The following SPHKAP variants were observed in gnomAD, a reference collection of about 807,000 sequenced individuals.
SPHKAP encodes the protein SPHK1 interactor, AKAP domain containing.
Under a neutral mutation model 137.5 loss-of-function variants are expected in SPHKAP, and 67 were observed. The observed-to-expected ratio is 0.49, with a 90% confidence interval of 0.40 to 0.60. The LOEUF (loss-of-function observed/expected upper bound fraction) is 0.60. Ranked by LOEUF, SPHKAP falls within the 20% of genes least tolerant of loss-of-function variation. The pLI, the probability that SPHKAP is intolerant of heterozygous loss-of-function variation, is 0.00. For synonymous variants in SPHKAP, 813 were observed against 785.3 expected, an observed-to-expected ratio of 1.04 and a Z score of -0.59; for missense variants, 2,097 against 2,069.3, an observed-to-expected ratio of 1.01 and a Z score of -0.26.
At chr2:228,038,565 G>A (rs962697639) in intron 3 of SPHKAP, among the ~76,000 whole-genome samples, 2 of 152,192 alleles carry the variant, frequency 1.3e-5, no homozygotes, top group Non-Finnish European at 2.9e-5. Flanking sequence ...TAAAATGCCT[G>A]CATGAGCAAA....
rs1422263232 is a variant in SPHKAP at position 228,117,556 on chromosome 2, A to T, written c.139-8617T>A. ...AGAAGAGATGATTGGAATGAAGGCAAGTACTAAGACACTTTGACCTATTTG... is the reference window on the plus strand; with the variant it reads ...AGAAGAGATGATTGGAATGAAGGCATGTACTAAGACACTTTGACCTATTTG... On this transcript the variant is annotated intron_variant, in intron 2 of 11. Coordinates refer to ENST00000392056, the MANE Select transcript of SPHKAP (RefSeq NM_001142644.2). 2.6e-5 allele frequency among the ~76,000 whole-genome samples: 4 copies of T among 152,178 alleles called. No homozygotes were observed. The East Asian group carries it at 5.8e-4, about 22-fold the overall frequency.
intron 3 of SPHKAP, among the ~76,000 whole-genome samples, chr2:228,086,151 G>T (rs944341046): frequency 2.0e-5 from 3 of 151,098 alleles, no homozygotes; most frequent in African/African-American, 7.3e-5. Flanking sequence ...GCTTCCCAGT[G>T]AAACAACAAA....
chr2:228,028,935 T>A (rs527435991), intron 3 of SPHKAP, among the ~76,000 whole-genome samples: 6 of 137,646 alleles, frequency 4.4e-5, no homozygotes, highest in African/African-American at 1.4e-4. Context: ...AGGTTAGCTA[T>A]GTTTTTGAAA....
rs538022542 is a variant in SPHKAP at position 228,181,083 on chromosome 2, G to T, written c.32+484C>A. Among the ~76,000 whole-genome samples, 172 of 152,150 alleles carry T rather than the reference G, an allele frequency of 1.1e-3. 1 individual carries two copies. Among genetic ancestry groups the T allele is most frequent in the African/African-American group, 3.8e-3 (156 of 41,532 alleles). On this transcript the variant is annotated intron_variant, in intron 1 of 11. Coordinates refer to ENST00000392056, the MANE Select transcript of SPHKAP (RefSeq NM_001142644.2). The surrounding 1 kb of genome is among the most constrained non-coding windows in gnomAD (Gnocchi z 4.3). ...TTTGGGGGCAGTCTAGGTGTCGGTC[G>T]GGGGTGAGGGACAATCTTCCCCACC...
At chr2:228,123,529 G>C (rs1574870210) in intron 2 of SPHKAP, among the ~76,000 whole-genome samples, 2 of 152,148 alleles carry the variant, frequency 1.3e-5, no homozygotes, top group Admixed American at 6.5e-5. Context: ...GAGAGAAACA[G>C]CTTCTACAAA....
At chr2:228,063,761 A>C (rs1473841583) in intron 3 of SPHKAP, among the ~76,000 whole-genome samples, 1 of 152,220 alleles carries the variant, frequency 6.6e-6, no homozygotes, top group Non-Finnish European at 1.5e-5. Flanking sequence ...CTGTGGTTGC[A>C]AAGATTACAT....
At chr2:228,058,032 G>T (rs1226087506) in intron 3 of SPHKAP, among the ~76,000 whole-genome samples, 3 of 152,046 alleles carry the variant, frequency 2.0e-5, no homozygotes. Context: ...ATTAATAATT[G>T]GTCTTATTTA....
rs184219623 is a variant in SPHKAP at position 228,091,674 on chromosome 2, G to A, written c.246+17158C>T. 3.9e-4 allele frequency among the ~76,000 whole-genome samples: 59 copies of A among 152,076 alleles called. 1 individual carries two copies. Among genetic ancestry groups the A allele is most frequent in the African/African-American group, 1.4e-3 (57 of 41,504 alleles). ...CAAGAAACATTTTTAAAAAATGCTC[G>A]ACATCACTAAGGATCAGGGAAATGC... On this transcript the variant is annotated intron_variant, in intron 3 of 11. Coordinates refer to ENST00000392056, the MANE Select transcript of SPHKAP (RefSeq NM_001142644.2).
At chr2:228,080,816 C>A (rs554121462) in intron 3 of SPHKAP, among the ~76,000 whole-genome samples, 5 of 151,622 alleles carry the variant, frequency 3.3e-5, no homozygotes, top group Admixed American at 2.0e-4. Flanking sequence ...CATCTCACAC[C>A]TGTTAGAATG....
chr2:228,043,677 A>G (rs982438992), intron 3 of SPHKAP, among the ~76,000 whole-genome samples: 2 of 152,174 alleles, frequency 1.3e-5, no homozygotes, highest in African/African-American at 4.8e-5. Flanking sequence ...AATTGACAAA[A>G]ATCTTCCTCA....
intron 3 of SPHKAP, among the ~76,000 whole-genome samples, chr2:228,060,497 G>A (rs1304254249): frequency 6.6e-6 from 1 of 152,132 alleles, no homozygotes; most frequent in Non-Finnish European, 1.5e-5. Flanking sequence ...CAATTTTGAT[G>A]AGTGAAAGAA....
Position 228,019,273 on chromosome 2 carries a change from G to A in SPHKAP, c.1581C>T (p.Asn527=). ...ERLKMEQVVS[N]FPPGSSGALQ... is the part of the protein sequence containing the mutation. ...GTGCACCACTGCTCCCTGGGGGAAA[G>A]TTCGAGACCACTTGCTCCATTTTGA... Residue 527 remains asparagine, a synonymous_variant, in exon 7 of 12, where the codon AAC becomes AAT. Transcript: ENST00000392056. The A allele has an allele frequency of 6.2e-7, 1 of 1,614,034 alleles. No individual in the cohort carries two copies. Among genetic ancestry groups the A allele is most frequent in the South Asian group, 1.1e-5 (1 of 91,086 alleles).
At position 228,018,185 on chromosome 2, in the gene SPHKAP, G is replaced by T. The variant is rs1173531318; in HGVS notation, c.2669C>A (p.Ala890Asp). Residue 890 changes from alanine to aspartate, a missense_variant, in exon 7 of 12, where the codon GCC becomes GAC. By Grantham distance (126) the Ala-to-Asp change is moderately radical. Transcript: ENST00000392056. ...TTGAACTTCGTTGATGCGAGATGTG[G>T]CACAGTTGTACTTTTCTTGGGTGTT... ...HPNTQEKYNC[A>D]TSRINEVQVN... 1 of 1,614,134 alleles carries T rather than the reference G, an allele frequency of 6.2e-7. No homozygotes were observed. The highest frequency in any genetic ancestry group is 2.2e-5 in the East Asian group (1 of 44,856).
intron 3 of SPHKAP, among the ~76,000 whole-genome samples, chr2:228,032,027 A>G (rs1031180155): frequency 6.6e-6 from 1 of 152,244 alleles, no homozygotes; most frequent in Admixed American, 6.5e-5. Flanking sequence ...ACAAAGCTGG[A>G]CGGAGAATGA....
chr2:228,057,424 G>A lies in SPHKAP; in HGVS notation c.247-29881C>T, dbSNP rs145482208. ...TCAAAACTTATGCAGTGTTTTATTCGTCACTTGGGAAAATATCTGAATGCC... is the reference window on the plus strand; with the variant it reads ...TCAAAACTTATGCAGTGTTTTATTCATCACTTGGGAAAATATCTGAATGCC... On this transcript the variant is annotated intron_variant, in intron 3 of 11. Transcript: ENST00000392056. Among the ~76,000 whole-genome samples the A allele has an allele frequency of 1.8e-3, 269 of 152,174 alleles. 1 individual carries two copies. The highest frequency in any genetic ancestry group is 5.9e-3 in the African/African-American group (247 of 41,520).
chr2:227,990,129 A>G (rs1353070447), intron 11 of SPHKAP, among the ~76,000 whole-genome samples: 1 of 152,184 alleles, frequency 6.6e-6, no homozygotes, highest in Non-Finnish European at 1.5e-5. Flanking sequence ...AATCTGAACA[A>G]GCTTGGACTC....
At chr2:228,176,324 A>G (rs4246658) in intron 1 of SPHKAP, among the ~76,000 whole-genome samples, 147,649 of 152,290 alleles carry the variant, frequency 0.97, 71,749 homozygotes, top group East Asian at 1. Flanking sequence ...GATTTCACCC[A>G]CCTCTTTCAA....
At chr2:228,001,572 CAT>C (rs982958895) in intron 7 of SPHKAP, among the ~76,000 whole-genome samples, 65 of 145,636 alleles carry the variant, frequency 4.5e-4, no homozygotes, top group African/African-American at 1.5e-3. Flanking sequence ...TATATACACA[CAT>C]ATATATTTAT....
At position 228,018,143 on chromosome 2, in the gene SPHKAP, A is replaced by G. The variant is rs1349862132; in HGVS notation, c.2711T>C (p.Leu904Ser). The G allele has an allele frequency of 2.5e-6, 4 of 1,614,178 alleles. No individual in the cohort carries two copies. The highest frequency in any genetic ancestry group is 1.7e-5 in the Admixed American group (1 of 60,022). ...INEVQVNLSL[L>S]GDDLLLPAQS... is the part of the protein sequence containing the mutation. ...AGCAGGAAGCAGCAGGTCATCCCCT[A>G]ACAAGGACAGGTTGACTTGAACTTC... Residue 904 changes from leucine to serine, a missense_variant, in exon 7 of 12, where the codon TTA becomes TCA. Leu to Ser is a moderately radical substitution (Grantham distance 145). Transcript: ENST00000392056.
Sources: allele counts gnomAD v4.1 joint callset (sites outside exome capture counted in the v4.1 genomes callset), GRCh38; gene constraint gnomAD v4.1.1; non-coding constraint Gnocchi (gnomAD v3.1); transcripts MANE v1.5; gene names NCBI Gene and HGNC (gene_info 2026-07-23, HGNC 2026-07-21).